ITPR2: variants seen among roughly 807,000 people sequenced by gnomAD.
ITPR2 encodes the protein inositol 1,4,5-trisphosphate-gated calcium channel ITPR2.
In ITPR2, 207 loss-of-function variants were observed where a neutral mutation model predicts 317.1. The observed-to-expected ratio is 0.65, with a 90% CI of 0.58 to 0.73. ITPR2 has a LOEUF of 0.73. Among genes scored for constraint, ITPR2 ranks in the 30% least tolerant of loss-of-function variants. ITPR2 has a pLI of 0.00. For synonymous variants in ITPR2, 1,156 were observed against 1,149.1 expected, an observed-to-expected ratio of 1.01 and a Z score of -0.12; for missense variants, 2,613 against 3,284.0, an observed-to-expected ratio of 0.80 and a Z score of 4.99.
intron 26 of ITPR2, among the ~76,000 whole-genome samples, chr12:26,611,042 C>G (rs1294584834): frequency 6.6e-6 from 1 of 152,228 alleles, no homozygotes; most frequent in Admixed American, 6.5e-5. Flanking sequence ...ATGGGGCAAG[C>G]TGGAGCGTAA....
At chr12:26,774,639 A>G (rs945929859) in intron 2 of ITPR2, among the ~76,000 whole-genome samples, 1 of 152,238 alleles carries the variant, frequency 6.6e-6, no homozygotes, top group African/African-American at 2.4e-5. Flanking sequence ...GTCTAATCAC[A>G]GGTCTTTCAA....
rs372555297 is a variant in ITPR2 at position 26,411,317 on chromosome 12, A to C, written c.7399+3T>G. On this transcript the variant is annotated splice_donor_region_variant and intron_variant, in intron 52 of 56. Transcript: ENST00000381340. ...ATACTGACCCAGAGTCCTTTCTACA[A>C]ACCTGTATTTGAAGCTGGAATTGTG... 1 of 1,608,408 alleles carries C rather than the reference A, an allele frequency of 6.2e-7. No homozygotes were observed. The highest frequency in any genetic ancestry group is 1.3e-5 in the African/African-American group (1 of 74,746).
chr12:26,747,581 T>C (rs891868016), intron 2 of ITPR2, among the ~76,000 whole-genome samples: 15 of 152,332 alleles, frequency 9.8e-5, no homozygotes, highest in African/African-American at 3.4e-4. Flanking sequence ...GTCTTTCCTA[T>C]ATGTCTCTTG....
At chr12:26,442,387 T>A (rs7960076) in intron 46 of ITPR2, among the ~76,000 whole-genome samples, 55,167 of 151,994 alleles carry the variant, frequency 0.36, 10,352 homozygotes, top group African/African-American at 0.46. Flanking sequence ...TCAGTAAACA[T>A]GTACTGAATG....
chr12:26,523,398 A>G (rs1943717511), intron 37 of ITPR2, among the ~76,000 whole-genome samples: 1 of 152,174 alleles, frequency 6.6e-6, no homozygotes, highest in Non-Finnish European at 1.5e-5. Flanking sequence ...TTTTCTCGCT[A>G]ATCTTCCTTC....
chr12:26,628,247 G>T, intron 22 of ITPR2, 85 bp from the exon 23 acceptor site: 1 of 998,510 alleles, frequency 1.0e-6, no homozygotes, highest in Non-Finnish European at 1.4e-6. Flanking sequence ...AATAACAGTG[G>T]AAGTACCAAC....
At chr12:26,624,864 T>C (rs984038947) in intron 23 of ITPR2, among the ~76,000 whole-genome samples, 12 of 152,150 alleles carry the variant, frequency 7.9e-5, no homozygotes, top group Non-Finnish European at 1.8e-4. Context: ...GAAATTTGTA[T>C]GTCAAAGAGA....
At chr12:26,556,773 A>T (rs934056585) in intron 35 of ITPR2, among the ~76,000 whole-genome samples, 4 of 47,124 alleles carry the variant, frequency 8.5e-5, no homozygotes, top group Non-Finnish European at 2.1e-4. Flanking sequence ...GGAACAGCTT[A>T]AAAAAAAAAA....
intron 37 of ITPR2, among the ~76,000 whole-genome samples, chr12:26,504,082 G>A (rs556007208): frequency 6.6e-6 from 1 of 152,320 alleles, no homozygotes; most frequent in African/African-American, 2.4e-5. Flanking sequence ...CCTATTACAT[G>A]TACAAAGCAG....
At chr12:26,622,202 C>A in intron 25 of ITPR2, 38 bp downstream of exon 25, 1 of 1,574,132 alleles carries the variant, frequency 6.4e-7, no homozygotes, top group Non-Finnish European at 8.6e-7. Context: ...ACTTTCAGAG[C>A]TTTTGCTGTG....
rs752387178 is a variant in ITPR2 at position 26,663,723 on chromosome 12, C to T, written c.1675G>A (p.Val559Ile). The T allele has an allele frequency of 2.7e-5, 43 of 1,612,994 alleles. No individual in the cohort carries two copies. The highest frequency in any genetic ancestry group is 1.9e-4 in the African/African-American group (14 of 74,872). Reference protein sequence around the residue: ...YKYMLRLCYRVLRHSQQDYRK... With the variant: ...YKYMLRLCYRILRHSQQDYRK... Reference sequence around the variant, plus strand: ...TAATCCTGCTGCGAGTGTCTCAGGACGCGGTAACAGAGCCGCAGCATGTAC... The same window carrying T: ...TAATCCTGCTGCGAGTGTCTCAGGATGCGGTAACAGAGCCGCAGCATGTAC... The change falls in exon 15 of 57, where the codon GTC becomes ATC. Residue 559 changes from valine to isoleucine, a missense_variant. Transcript: ENST00000381340.
chr12:26,782,037 T>TAGAGAG (rs1177233376), intron 2 of ITPR2, among the ~76,000 whole-genome samples: 78 of 51,700 alleles, frequency 1.5e-3, no homozygotes, highest in African/African-American at 3.2e-3. Context: ...TATATATGTA[T>TAGAGAG]AGAGAGAGAG....
In ITPR2 at chr12:26,628,217, A is replaced by T; in HGVS notation, c.2935-55T>A. 6 of 1,412,080 alleles carry T rather than the reference A, an allele frequency of 4.2e-6. No homozygotes were observed. The South Asian group carries it at 7.8e-5, about 18-fold the overall frequency. 87.5% of individuals were successfully genotyped at this position (1,412,080 alleles called of 1,614,324 possible). A position where few individuals can be genotyped will look rare whatever the true frequency, so the allele number is the denominator to read the frequency against. On this transcript the variant is annotated intron_variant, in intron 22 of 56. Coordinates refer to ENST00000381340, the MANE Select transcript of ITPR2 (RefSeq NM_002223.4). ...TTCTTTCATTAGCATAGTATTTAAA[A>T]ATGCAATTCACAACACACCAATAAC...
chr12:26,714,616 T>C (rs948007264), intron 8 of ITPR2, among the ~76,000 whole-genome samples: 1 of 152,170 alleles, frequency 6.6e-6, no homozygotes, highest in South Asian at 2.1e-4. Context: ...TGTTTTAAAA[T>C]TGGGGGCAGG....
At chr12:26,818,698 C>CA (rs1950896535) in intron 1 of ITPR2, among the ~76,000 whole-genome samples, 1 of 146,162 alleles carries the variant, frequency 6.8e-6, no homozygotes, top group Admixed American at 6.9e-5. Flanking sequence ...AACAAAATTC[C>CA]TTTTTTTTTT....
At position 26,659,148 on chromosome 12, in the gene ITPR2, T is replaced by G; in HGVS notation, c.1851A>C (p.Thr617=). Residue 617 remains threonine, a synonymous_variant, in exon 16 of 57, where the codon ACA becomes ACC. Transcript: ENST00000381340. ...EKHITAKEIE[T]FVSLLRRNRE... The stretch of plus-strand genomic sequence containing the variant: ...GATTTCTCCTGAGTAAACTGACAAA[T>G]GTTTCTATTTCTTTTGCTGTGATAT... 6.2e-7 allele frequency: 1 copy of G among 1,613,532 alleles called. No homozygotes were observed. The highest frequency in any genetic ancestry group is 8.5e-7 in the Non-Finnish European group (1 of 1,179,702).
At chr12:26,438,713 A>G (rs1476439012) in intron 47 of ITPR2, among the ~76,000 whole-genome samples, 1 of 152,210 alleles carries the variant, frequency 6.6e-6, no homozygotes, top group African/African-American at 2.4e-5. Context: ...TCAGCAAAAC[A>G]CGAAACAATC....
chr12:26,787,621 G>T (rs1033398520), intron 2 of ITPR2, among the ~76,000 whole-genome samples: 5 of 152,160 alleles, frequency 3.3e-5, no homozygotes, highest in Non-Finnish European at 7.3e-5. Flanking sequence ...ATCTTTGAAA[G>T]ATTAATTCTT....
At chr12:26,599,011 G>T (rs1945924331) in intron 30 of ITPR2, 134 bp downstream of exon 30, 1 of 709,442 alleles carries the variant, frequency 1.4e-6, no homozygotes. Flanking sequence ...AAATATATTT[G>T]CACTTGAGTA....
Sources: gnomAD v4.1 joint callset for allele counts (sites outside exome capture counted in the v4.1 genomes callset) on GRCh38, gnomAD v4.1.1 for gene constraint, MANE v1.5 for transcripts, NCBI Gene and HGNC (gene_info 2026-07-23, HGNC 2026-07-21) for gene names.